NSD3: variants seen among roughly 807,000 people sequenced by gnomAD.
NSD3 encodes histone-lysine N-methyltransferase NSD3.
In NSD3, 24 loss-of-function variants were observed where a neutral mutation model predicts 160.8. The ratio of observed to expected loss-of-function variants is 0.15; its 90% confidence interval spans 0.11 to 0.21. NSD3 has a LOEUF of 0.21. NSD3 is among the 10% of genes least tolerant of loss of function. The pLI is 1.00. For missense variants in NSD3, 1,157 were observed against 1,735.9 expected, an observed-to-expected ratio of 0.67 and a Z score of 5.93; for synonymous variants, 520 against 600.0, an observed-to-expected ratio of 0.87 and a Z score of 1.95.
At chr8:38,295,653 A>G in intron 16 of NSD3, 143 bp downstream of exon 16, 2 of 786,662 alleles carry the variant, frequency 2.5e-6, no homozygotes, top group South Asian at 4.5e-5. Flanking sequence ...CCCAGCCTCA[A>G]AACATGGTTC....
intron 1 of NSD3, among the ~76,000 whole-genome samples, chr8:38,376,754 T>G (rs1389655351): frequency 6.6e-6 from 1 of 152,084 alleles, no homozygotes; most frequent in African/African-American, 2.4e-5. Flanking sequence ...TCCAATACTT[T>G]AAGGAAGTAA....
At chr8:38,331,949 A>G (rs1810071817) in intron 4 of NSD3, among the ~76,000 whole-genome samples, 1 of 152,272 alleles carries the variant, frequency 6.6e-6, no homozygotes. Flanking sequence ...GTTGTTAGAG[A>G]CATGGTCTCA....
chr8:38,288,679 A>G lies in NSD3; in HGVS notation c.3309T>C (p.Ala1103=), dbSNP rs1808921688. The G allele has an allele frequency of 1.9e-6, 3 of 1,614,130 alleles. No individual in the cohort carries two copies. The highest frequency in any genetic ancestry group is 3.3e-5 in the Admixed American group (2 of 60,008). ...ATTCCAAGCCACAAGGGTTTTCATCAGCTGGCTTGCAGTTACAGCGGGGAA... is the reference window on the plus strand; with the variant it reads ...ATTCCAAGCCACAAGGGTTTTCATCGGCTGGCTTGCAGTTACAGCGGGGAA... ...SEIPRCNCKP[A]DENPCGLESE... is the part of the protein sequence containing the mutation. The change falls in exon 19 of 24, where the codon GCT becomes GCC. Residue 1103 remains alanine, a synonymous_variant. Coordinates refer to ENST00000317025, the MANE Select transcript of NSD3 (RefSeq NM_023034.2). This position sits in a 1 kb window ranked among gnomAD's most constrained non-coding sequence, Gnocchi z 4.5.
chr8:38,281,692 C>A, intron 19 of NSD3, 109 bp from the exon 20 acceptor site: 1 of 573,786 alleles, frequency 1.7e-6, no homozygotes, highest in Non-Finnish European at 2.9e-6. Context: ...GAAAATATAA[C>A]TTCAACCCTA....
rs941574281 is a variant in NSD3, at chr8:38,317,548, T to C, written c.1855+1347A>G. 6.6e-6 allele frequency: 7 copies of C among 1,068,050 alleles called. No homozygotes were observed. The highest frequency in any genetic ancestry group is 7.9e-6 in the Non-Finnish European group (7 of 880,790). The allele number at this position is 1,068,050 out of a possible 1,614,324, so 66.2% of individuals were successfully genotyped here. The stretch of plus-strand genomic sequence containing the variant: ...ACAGCTGTCATGCTGTTCTCCATGA[T>C]AACGGCACTAATATTAAAAAAAATA... On this transcript the variant is annotated intron_variant, in intron 9 of 23. Coordinates refer to ENST00000317025, the MANE Select transcript of NSD3 (RefSeq NM_023034.2). This position sits in a 1 kb window ranked among gnomAD's most constrained non-coding sequence, Gnocchi z 5.3.
In NSD3 at chr8:38,348,079, C is replaced by T; in HGVS notation, c.93G>A (p.Glu31=). Residue 31 remains glutamate (E), a synonymous_variant, in exon 2 of 24, where the codon GAG becomes GAA. Coordinates refer to ENST00000317025, the MANE Select transcript of NSD3 (RefSeq NM_023034.2). ...TGTCACTGTTGTTATCAAAGGCATC[C>T]TCCTGACGGATGTTGGCGGAGTCAA... ...QLIDSANIRQ[E]DAFDNNSDIA... 1 of 1,614,140 alleles carries T rather than the reference C, an allele frequency of 6.2e-7. No homozygotes were observed. The highest frequency in any genetic ancestry group is 8.5e-7 in the Non-Finnish European group (1 of 1,180,016).
At chr8:38,283,175 T>C (rs1808773150) in intron 19 of NSD3, among the ~76,000 whole-genome samples, 1 of 152,228 alleles carries the variant, frequency 6.6e-6, no homozygotes, top group South Asian at 2.1e-4. Context: ...CATACAGTGA[T>C]AAGCTCCTTT....
In NSD3 at chr8:38,338,203, G is replaced by A. The variant is rs189345310; in HGVS notation, c.747+333C>T. Among the ~76,000 whole-genome samples, 25 of 152,022 alleles carry A rather than the reference G, an allele frequency of 1.6e-4. No homozygotes were observed. In the Middle Eastern group the frequency reaches 0.017, roughly 103 times the overall value. On this transcript the variant is annotated intron_variant, in intron 3 of 23. Transcript: ENST00000317025. The stretch of plus-strand genomic sequence containing the variant: ...TCATCCCAGCTATTCGGCAAGCTGA[G>A]GCAGGACAATCGCTTGAACCCAGGA...
At chr8:38,378,426 G>C (rs1811453617) in intron 1 of NSD3, among the ~76,000 whole-genome samples, 1 of 152,192 alleles carries the variant, frequency 6.6e-6, no homozygotes, top group South Asian at 2.1e-4. Context: ...TGGATCACGA[G>C]GTCAGGAGAT....
At chr8:38,307,448 A>G (rs1809435921) in intron 12 of NSD3, among the ~76,000 whole-genome samples, 1 of 152,222 alleles carries the variant, frequency 6.6e-6, no homozygotes, top group South Asian at 2.1e-4. Flanking sequence ...CTTTCTGCCT[A>G]GAAATTCAAT....
Position 38,329,792 on chromosome 8 carries a change from C to T in NSD3, c.1167G>A (p.Gln389=), listed in dbSNP as rs1244032828. ...LKMTREERIE[Q]YTFIYIDKQP... ...GTTTATCAATGTAAATAAAAGTATA[C>T]TGTTCTATTCTTTCTTCTCGAGTCA... The change falls in exon 6 of 24, where the codon CAG becomes CAA. Residue 389 remains glutamine (Q), a synonymous_variant. Coordinates refer to ENST00000317025, the MANE Select transcript of NSD3 (RefSeq NM_023034.2). This position sits in a 1 kb window ranked among gnomAD's most constrained non-coding sequence, Gnocchi z 4.8. 1 of 1,613,892 alleles carries T rather than the reference C, an allele frequency of 6.2e-7. No homozygotes were observed. The highest frequency in any genetic ancestry group is 8.5e-7 in the Non-Finnish European group (1 of 1,179,980).
intron 22 of NSD3, among the ~76,000 whole-genome samples, 175 bp downstream of exon 22, chr8:38,278,131 G>A (rs930677074): frequency 1.3e-5 from 2 of 151,972 alleles, no homozygotes; most frequent in Non-Finnish European, 2.9e-5. Context: ...GTAGAGATGG[G>A]GTTTCACCGT....
intron 8 of NSD3, chr8:38,320,852 C>G (rs1371213331): frequency 2.6e-6 from 1 of 388,220 alleles, no homozygotes; most frequent in East Asian, 3.9e-5. Context: ...CCACTGGCTT[C>G]CCATCTCCTG....
At chr8:38,381,744 GCGCACA>G (rs992232346) in intron 1 of NSD3, 49 bp downstream of exon 1, 14 of 117,450 alleles carry the variant, frequency 1.2e-4, no homozygotes, top group Non-Finnish European at 1.7e-4. Context: ...ACGCGCGCGC[GCGCACA>G]CACACACACA....
At position 38,294,768 on chromosome 8, in the gene NSD3, A is replaced by AG. The variant is rs1406466389; in HGVS notation, c.2915+1027dup. Among the ~76,000 whole-genome samples, 6 of 151,086 alleles carry AG rather than the reference A, an allele frequency of 4.0e-5. 1 individual carries two copies. The East Asian group carries it at 1.2e-3, about 30-fold the overall frequency. On this transcript the variant is annotated intron_variant, in intron 16 of 23. Transcript: ENST00000317025. ...TGAGGCAGGAGGATCGCTTGAGCCC[A>AG]GGAGTTCGAGACCAGCCTGGGCAAT... is the stretch of plus-strand genomic sequence containing the variant.
chr8:38,313,219 G>A (rs2131018522), intron 12 of NSD3, among the ~76,000 whole-genome samples: 1 of 152,248 alleles, frequency 6.6e-6, no homozygotes, highest in South Asian at 2.1e-4. Flanking sequence ...GTGTGTGTGT[G>A]TATGTATGTG....
intron 3 of NSD3, 116 bp from the exon 4 acceptor site, chr8:38,337,583 A>G: frequency 1.0e-6 from 1 of 965,502 alleles, no homozygotes; most frequent in Non-Finnish European, 1.4e-6. Context: ...GATACAGGAA[A>G]GTGTCAAAAA....
At position 38,347,641 on chromosome 8, in the gene NSD3, T is replaced by G; in HGVS notation, c.531A>C (p.Leu177Phe). The G allele has an allele frequency of 6.2e-7, 1 of 1,613,784 alleles. No homozygotes were observed. The highest frequency in any genetic ancestry group is 8.5e-7 in the Non-Finnish European group (1 of 1,180,034). Residue 177 changes from leucine to phenylalanine, a missense_variant, in exon 2 of 24, where the codon TTA (leucine) becomes TTC (phenylalanine). Coordinates refer to ENST00000317025, the MANE Select transcript of NSD3 (RefSeq NM_023034.2). ...TGTGCTCACTTGCCTGTACTTCATT[T>G]AAAAGGTCTCCACAAAGGGAAGACT... ...LFESSLCGDL[L>F]NEVQASEHTK...
In NSD3 at chr8:38,300,043, TG is replaced by T. The variant is rs547222987; in HGVS notation, c.2612-454del. On this transcript the variant is annotated intron_variant, in intron 14 of 23. Transcript: ENST00000317025. ...TATCAAGTAGCACTTTAATGCAGAA[TG>T]GAAGTCTCTCCTTTTTTCTATTCAT... 1.4e-4 allele frequency among the ~76,000 whole-genome samples: 22 copies of T among 152,184 alleles called. No homozygotes were observed. In the South Asian group the frequency reaches 4.4e-3, roughly 30 times the overall value.
Sources: allele counts gnomAD v4.1 joint callset (sites outside exome capture counted in the v4.1 genomes callset), GRCh38; gene constraint gnomAD v4.1.1; non-coding constraint Gnocchi (gnomAD v3.1); transcripts MANE v1.5; gene names NCBI Gene and HGNC (gene_info 2026-07-23, HGNC 2026-07-21).